NFKB1: variants seen among roughly 807,000 people sequenced by gnomAD.
NFKB1 encodes the protein nuclear factor kappa B subunit 1, also known as nuclear factor NF-kappa-B p105 subunit.
In NFKB1, 9 loss-of-function variants were observed where a neutral mutation model predicts 105.1. That is an observed-to-expected ratio of 0.09 (90% CI 0.05 to 0.15). NFKB1 has a LOEUF of 0.15. NFKB1 is among the 10% of genes least tolerant of loss of function. The probability of loss-of-function intolerance (pLI) is 1.00; values close to 1 mark genes in which losing one functional copy is unlikely to be tolerated. For synonymous variants in NFKB1, 440 were observed against 442.2 expected, an observed-to-expected ratio of 1.00 and a Z score of 0.06; for missense variants, 830 against 1,203.7, an observed-to-expected ratio of 0.69 and a Z score of 4.59.
At chr4:102,595,673 C>G (rs1211660694) in intron 13 of NFKB1, among the ~76,000 whole-genome samples, 1 of 152,198 alleles carries the variant, frequency 6.6e-6, no homozygotes, top group Non-Finnish European at 1.5e-5. Context: ...GCTAGATGCT[C>G]TCATAGTATC....
intron 6 of NFKB1, among the ~76,000 whole-genome samples, chr4:102,573,080 G>A (rs1043092679): frequency 6.6e-6 from 1 of 152,086 alleles, no homozygotes; most frequent in African/African-American, 2.4e-5. Context: ...AGGCCGAGGC[G>A]GGCAGGTCAC....
At chr4:102,603,929 C>G (rs992427491) in intron 16 of NFKB1, among the ~76,000 whole-genome samples, 1 of 152,146 alleles carries the variant, frequency 6.6e-6, no homozygotes, top group African/African-American at 2.4e-5. Context: ...CATTCTCCTT[C>G]CCCCAACATA....
intron 5 of NFKB1, among the ~76,000 whole-genome samples, chr4:102,551,367 T>TGTGTGTGTGTGTGTGCACGCGC (rs370790173): frequency 0.01 from 1,569 of 150,190 alleles, 25 homozygotes; most frequent in African/African-American, 0.036. Context: ...TGTGTGTGTG[T>TGTGTGTGTGTGTGTGCACGCGC]GCGCGCGCGC....
intron 5 of NFKB1, among the ~76,000 whole-genome samples, chr4:102,540,385 A>C (rs1199649224): frequency 6.6e-6 from 1 of 152,166 alleles, no homozygotes; most frequent in Non-Finnish European, 1.5e-5. Context: ...TCACAAAATA[A>C]TTTACAAATG....
intron 16 of NFKB1, among the ~76,000 whole-genome samples, chr4:102,603,223 C>A (rs1727363589): frequency 6.6e-6 from 1 of 152,034 alleles, no homozygotes; most frequent in African/African-American, 2.4e-5. Context: ...CAGGCGTGCA[C>A]CACCACACCC....
At chr4:102,591,249 T>C (rs1209464596) in intron 11 of NFKB1, among the ~76,000 whole-genome samples, 2 of 152,088 alleles carry the variant, frequency 1.3e-5, no homozygotes, top group South Asian at 2.1e-4. Context: ...TCTAGGACTT[T>C]CATAACTAGA....
intron 1 of NFKB1, among the ~76,000 whole-genome samples, chr4:102,507,094 G>T (rs1209726536): frequency 6.6e-6 from 1 of 150,562 alleles, no homozygotes; most frequent in East Asian, 1.9e-4. Context: ...GTTGTTGCCA[G>T]CAAAATGAGA....
At chr4:102,581,084 A>G (rs562781893) in intron 9 of NFKB1, among the ~76,000 whole-genome samples, 1 of 152,338 alleles carries the variant, frequency 6.6e-6, no homozygotes, top group East Asian at 1.9e-4. Flanking sequence ...ACACTTCCAC[A>G]GATGTGATGT....
intron 1 of NFKB1, among the ~76,000 whole-genome samples, chr4:102,516,497 GT>G (rs1740195283): frequency 6.6e-6 from 1 of 151,642 alleles, no homozygotes; most frequent in Admixed American, 6.6e-5. Context: ...CTTTCTTCTA[GT>G]TTATTGGTAC....
intron 1 of NFKB1, among the ~76,000 whole-genome samples, chr4:102,508,601 G>A (rs954974695): frequency 2.0e-5 from 3 of 152,064 alleles, no homozygotes; most frequent in Non-Finnish European, 4.4e-5. Flanking sequence ...CAGAGGAGAT[G>A]GCTTAAAATG....
intron 5 of NFKB1, among the ~76,000 whole-genome samples, chr4:102,539,499 T>C (rs1304062154): frequency 6.6e-6 from 1 of 152,196 alleles, no homozygotes; most frequent in African/African-American, 2.4e-5. Flanking sequence ...ATGTTTTTTC[T>C]ATTAAAGGTA....
chr4:102,533,912 A>G, intron 4 of NFKB1, 27 bp downstream of exon 4: 2 of 1,589,382 alleles, frequency 1.3e-6, no homozygotes, highest in Non-Finnish European at 1.7e-6. Flanking sequence ...GGGACTTTAA[A>G]TGTTAGATTC....
intron 1 of NFKB1, chr4:102,511,022 G>A (rs1739743047): frequency 1.9e-6 from 2 of 1,065,604 alleles, no homozygotes; most frequent in South Asian, 1.4e-5. Flanking sequence ...GAGGGGTGGA[G>A]TAGGGGAAGC....
intron 5 of NFKB1, among the ~76,000 whole-genome samples, chr4:102,565,304 C>T (rs781688766): frequency 1.3e-5 from 2 of 152,136 alleles, no homozygotes; most frequent in African/African-American, 2.4e-5. Flanking sequence ...TGCAGCAGTT[C>T]TAGCCAAGTG....
At chr4:102,596,758 T>G (rs1006378770) in intron 14 of NFKB1, among the ~76,000 whole-genome samples, 2 of 151,890 alleles carry the variant, frequency 1.3e-5, no homozygotes, top group African/African-American at 4.8e-5. Context: ...TTTGAAGAAG[T>G]AGGATTAGGA....
intron 16 of NFKB1, among the ~76,000 whole-genome samples, chr4:102,603,087 T>G (rs1727342257): frequency 6.6e-6 from 1 of 152,158 alleles, no homozygotes; most frequent in African/African-American, 2.4e-5. Context: ...GTGATTTTTT[T>G]TTGGAGACAG....
intron 20 of NFKB1, 55 bp from the exon 21 acceptor site, chr4:102,611,989 T>A (rs1377737252): frequency 7.1e-7 from 1 of 1,404,206 alleles, no homozygotes; most frequent in Admixed American, 1.7e-5. Context: ...AGAAACAGAC[T>A]GCCCTAGTGG....
chr4:102,567,036 A>G lies in NFKB1; in HGVS notation c.308A>G (p.Asn103Ser). 6.2e-7 allele frequency: 1 copy of G among 1,614,066 alleles called. No homozygotes were observed. The highest frequency in any genetic ancestry group is 1.1e-5 in the South Asian group (1 of 91,076). The change falls in exon 6 of 24, where the codon AAT (asparagine) becomes AGT (serine). Residue 103 changes from asparagine to serine, a missense_variant. Physicochemically the swap from Asn to Ser is conservative, Grantham distance 46. Around this residue, in one of 8 missense-constraint regions of NFKB1, gnomAD observed 64 missense variants for 79.9 expected, o/e 0.80. Coordinates refer to ENST00000226574, the MANE Select transcript of NFKB1 (RefSeq NM_003998.4). ...AAGGTTATTGTTCAGTTGGTCACAA[A>G]TGGAAAAAATATCCACCTGCATGCC... ...PAKVIVQLVT[N>S]GKNIHLHAHS...
At chr4:102,507,176 T>G (rs1321483773) in intron 1 of NFKB1, among the ~76,000 whole-genome samples, 1 of 151,924 alleles carries the variant, frequency 6.6e-6, no homozygotes, top group Admixed American at 6.6e-5. Context: ...CTCCGAAGAT[T>G]AATAGCGGCA....
Sources: allele counts gnomAD v4.1 joint callset (sites outside exome capture counted in the v4.1 genomes callset), GRCh38; gene constraint gnomAD v4.1.1; regional missense constraint gnomAD v4.1.1; transcripts MANE v1.5; gene names NCBI Gene and HGNC (gene_info 2026-07-23, HGNC 2026-07-21).